The following RASA2 variants were observed in gnomAD, a reference collection of about 807,000 sequenced individuals.
The protein encoded by RASA2 is ras GTPase-activating protein 2.
A neutral mutation model predicts 118.2 loss-of-function variants in RASA2; 155 were observed. That is an observed-to-expected ratio of 1.31 (90% CI 1.15 to 1.50). The LOEUF is 1.50. Ranked by LOEUF, RASA2 falls within the 40% of genes most tolerant of loss-of-function variation. The pLI, the probability that RASA2 is intolerant of heterozygous loss-of-function variation, is 0.00. For synonymous variants in RASA2, 353 were observed against 349.1 expected, an observed-to-expected ratio of 1.01 and a Z score of -0.12; for missense variants, 1,016 against 1,009.6, an observed-to-expected ratio of 1.01 and a Z score of -0.09.
intron 9 of RASA2, among the ~76,000 whole-genome samples, chr3:141,562,941 G>T (rs2082759066): frequency 6.6e-6 from 1 of 152,136 alleles, no homozygotes; most frequent in Non-Finnish European, 1.5e-5. Flanking sequence ...AAAGTGCTGG[G>T]ATTACAGGCG....
At chr3:141,594,296 G>T (rs1456136830) in intron 19 of RASA2, among the ~76,000 whole-genome samples, 1 of 151,958 alleles carries the variant, frequency 6.6e-6, no homozygotes, top group African/African-American at 2.4e-5. Context: ...TACAATATCA[G>T]GTAGTCTAAC....
intron 2 of RASA2, among the ~76,000 whole-genome samples, chr3:141,513,596 GA>G (rs1350690070): frequency 1.3e-5 from 2 of 152,024 alleles, no homozygotes; most frequent in African/African-American, 4.8e-5. Context: ...TTTCTATGTT[GA>G]AATTAATTAG....
At chr3:141,527,513 A>G (rs1228043122) in intron 3 of RASA2, among the ~76,000 whole-genome samples, 3 of 152,022 alleles carry the variant, frequency 2.0e-5, no homozygotes, top group South Asian at 2.1e-4. Flanking sequence ...GTATGTACAT[A>G]TATATTTTTT....
At chr3:141,498,546 G>A (rs2081734815) in intron 1 of RASA2, among the ~76,000 whole-genome samples, 1 of 152,080 alleles carries the variant, frequency 6.6e-6, no homozygotes, top group South Asian at 2.1e-4. Context: ...CTTTTGAGTG[G>A]TTCTTGGATA....
At position 141,487,171 on chromosome 3, in the gene RASA2, G is replaced by A; in HGVS notation, c.88G>A (p.Asp30Asn). The A allele has an allele frequency of 6.8e-7, 1 of 1,468,114 alleles. No homozygotes were observed. Among genetic ancestry groups the A allele is most frequent in the Non-Finnish European group, 9.1e-7 (1 of 1,101,088 alleles). 90.9% of individuals were successfully genotyped at this position (1,468,114 alleles called of 1,614,324 possible). A position where few individuals can be genotyped will look rare whatever the true frequency, so the allele number is the denominator to read the frequency against. ...ATAEPEAGDQ[D>N]SREVRVLQSL... ...TGCAGAGCCCGAGGCCGGGGACCAG[G>A]ACAGTCGCGAGGTTCGAGTGTTGCA... Residue 30 changes from aspartate to asparagine, a missense_variant, in exon 1 of 24, where the codon GAC becomes AAC. Physicochemically the swap from Asp to Asn is conservative, Grantham distance 23. Transcript: ENST00000286364.
In RASA2 at chr3:141,572,723, G is replaced by C; in HGVS notation, c.1284G>C (p.Glu428Asp). 6.3e-7 allele frequency: 1 copy of C among 1,574,822 alleles called. No individual in the cohort carries two copies. The highest frequency in any genetic ancestry group is 8.7e-7 in the Non-Finnish European group (1 of 1,147,676). Reference sequence around the variant, plus strand: ...TAACATTAAAACCTATTCTTGATGAGGTACAGAATATATCTCCAACAATGA... The same window carrying C: ...TAACATTAAAACCTATTCTTGATGACGTACAGAATATATCTCCAACAATGA... ...LKVTLKPILD[E>D]ICDSSKSCEI... The change falls in exon 12 of 24, where the codon GAG becomes GAC. Residue 428 changes from glutamate to aspartate, a missense_variant and splice_region_variant. Transcript: ENST00000286364.
chr3:141,508,166 A>G (rs1371361929), intron 1 of RASA2, among the ~76,000 whole-genome samples: 1 of 152,144 alleles, frequency 6.6e-6, no homozygotes, highest in African/African-American at 2.4e-5. Context: ...TCTATGATGA[A>G]TTAAGTGGTC....
chr3:141,488,859 C>T (rs2081607902), intron 1 of RASA2, among the ~76,000 whole-genome samples: 1 of 152,062 alleles, frequency 6.6e-6, no homozygotes, highest in South Asian at 2.1e-4. Context: ...TAGGCATTGT[C>T]TATTGGAGAC....
In RASA2 at chr3:141,596,109, T is replaced by G. The variant is rs149087818; in HGVS notation, c.1933+9357T>G. ...ATGTGCATTGGAACATTCAGTAAAATAGGCCGCCATATGCTGGGCCTGGAG... is the reference window on the plus strand; with the variant it reads ...ATGTGCATTGGAACATTCAGTAAAAGAGGCCGCCATATGCTGGGCCTGGAG... On this transcript the variant is annotated intron_variant, in intron 19 of 23. Transcript: ENST00000286364. 2.4e-3 allele frequency among the ~76,000 whole-genome samples: 373 copies of G among 152,284 alleles called. 2 individuals carry two copies. Among genetic ancestry groups the G allele is most frequent in the African/African-American group, 8.3e-3 (344 of 41,572 alleles).
intron 4 of RASA2, among the ~76,000 whole-genome samples, chr3:141,536,761 C>CT (rs778644144): frequency 0.054 from 6,833 of 127,446 alleles, 234 homozygotes; most frequent in African/African-American, 0.087. Context: ...TTGTTAGATT[C>CT]TTTTTTTTTT....
At chr3:141,574,291 G>T (rs1197259525) in intron 14 of RASA2, among the ~76,000 whole-genome samples, 1 of 152,042 alleles carries the variant, frequency 6.6e-6, no homozygotes, top group Non-Finnish European at 1.5e-5. Context: ...CCGGGTTCAT[G>T]CCATTCTCCT....
At chr3:141,554,313 A>C (rs2082617713) in intron 6 of RASA2, among the ~76,000 whole-genome samples, 1 of 152,246 alleles carries the variant, frequency 6.6e-6, no homozygotes, top group Non-Finnish European at 1.5e-5. Context: ...CCAGTTCAGA[A>C]TAACAAGACA....
At chr3:141,490,962 C>T (rs1269514642) in intron 1 of RASA2, among the ~76,000 whole-genome samples, 1 of 152,206 alleles carries the variant, frequency 6.6e-6, no homozygotes, top group Non-Finnish European at 1.5e-5. Flanking sequence ...ATACACCGAC[C>T]ATCTCTTAGG....
intron 4 of RASA2, among the ~76,000 whole-genome samples, chr3:141,538,651 T>A (rs1234906449): frequency 6.6e-6 from 1 of 152,206 alleles, no homozygotes; most frequent in Non-Finnish European, 1.5e-5. Context: ...TAATGCCTTT[T>A]AATTTAGTGT....
intron 1 of RASA2, among the ~76,000 whole-genome samples, chr3:141,505,547 T>C (rs187941027): frequency 6.6e-6 from 1 of 152,326 alleles, no homozygotes; most frequent in Non-Finnish European, 1.5e-5. Flanking sequence ...TTCAAGGAAC[T>C]AAAATATAGT....
intron 2 of RASA2, among the ~76,000 whole-genome samples, chr3:141,515,959 C>A (rs2082017609): frequency 7.1e-6 from 1 of 140,404 alleles, no homozygotes; most frequent in African/African-American, 2.6e-5. Context: ...GACAAAAAAA[C>A]CAAACACCAC....
At position 141,487,230 on chromosome 3, in the gene RASA2, G is replaced by C; in HGVS notation, c.133+14G>C. ...GGGGCAAGATCTGTAAGCGGGGGCT[G>C]GGCTGAGGGGACGCCCTGGCGGCGC... On this transcript the variant is annotated intron_variant, in intron 1 of 23. Coordinates refer to ENST00000286364, the MANE Select transcript of RASA2 (RefSeq NM_006506.5). 1 of 1,354,200 alleles carries C rather than the reference G, an allele frequency of 7.4e-7. No homozygotes were observed. The allele number at this position is 1,354,200 out of a possible 1,614,324, so 83.9% of individuals were successfully genotyped here.
At chr3:141,561,476 A>G (rs1353753376) in intron 9 of RASA2, among the ~76,000 whole-genome samples, 2 of 152,248 alleles carry the variant, frequency 1.3e-5, no homozygotes, top group Admixed American at 6.5e-5. Context: ...TGCCAGAAAT[A>G]TAAGTGCTGA....
At chr3:141,565,516 G>A (rs935198136) in intron 9 of RASA2, among the ~76,000 whole-genome samples, 3 of 152,106 alleles carry the variant, frequency 2.0e-5, no homozygotes, top group Admixed American at 1.3e-4. Context: ...TTGAATCATC[G>A]GGTGGTTTCA....
Sources: gnomAD v4.1 joint callset for allele counts (sites outside exome capture counted in the v4.1 genomes callset) on GRCh38, gnomAD v4.1.1 for gene constraint, MANE v1.5 for transcripts, NCBI Gene and HGNC (gene_info 2026-07-23, HGNC 2026-07-21) for gene names.